The following GLRX3 variants were observed in gnomAD, a reference collection of about 807,000 sequenced individuals.
GLRX3 encodes glutaredoxin 3.
Under a neutral mutation model 49.5 loss-of-function variants are expected in GLRX3, and 22 were observed. The ratio of observed to expected loss-of-function variants is 0.44; its 90% CI spans 0.32 to 0.63. The LOEUF is 0.63. Among genes scored for constraint, GLRX3 ranks in the 30% least tolerant of loss-of-function variants. The pLI is 0.05. For synonymous variants in GLRX3, 133 were observed against 140.0 expected, an observed-to-expected ratio of 0.95 and a Z score of 0.35; for missense variants, 385 against 396.3, an observed-to-expected ratio of 0.97 and a Z score of 0.24.
intron 1 of GLRX3, among the ~76,000 whole-genome samples, chr10:130,141,369 A>G (rs1862171680): frequency 6.6e-6 from 1 of 152,226 alleles, no homozygotes; most frequent in Non-Finnish European, 1.5e-5. Flanking sequence ...AAGAAATTGA[A>G]GTATTACATA....
chr10:130,139,707 G>A (rs1862138398), intron 1 of GLRX3, among the ~76,000 whole-genome samples: 1 of 151,716 alleles, frequency 6.6e-6, no homozygotes, highest in Non-Finnish European at 1.5e-5. Flanking sequence ...CACTTTGGGA[G>A]GATGGCTTGA....
chr10:130,160,150 T>G, intron 3 of GLRX3, 81 bp downstream of exon 3: 2 of 815,850 alleles, frequency 2.5e-6, no homozygotes, highest in South Asian at 1.4e-5. Flanking sequence ...ACCCTCTCTC[T>G]AATCCCCGAA....
intron 2 of GLRX3, among the ~76,000 whole-genome samples, chr10:130,155,648 G>C (rs777165901): frequency 2.0e-5 from 3 of 152,158 alleles, no homozygotes; most frequent in Admixed American, 1.3e-4. Flanking sequence ...GTTTGATAGA[G>C]CTCTGAGTGC....
intron 4 of GLRX3, among the ~76,000 whole-genome samples, chr10:130,164,301 TAAAC>T (rs2134908847): frequency 6.6e-6 from 1 of 152,366 alleles, no homozygotes; most frequent in African/African-American, 2.4e-5. Context: ...TATGTCATCT[TAAAC>T]AGAATCTTAA....
At chr10:130,162,411 T>C (rs1403455640) in intron 4 of GLRX3, among the ~76,000 whole-genome samples, 2 of 152,236 alleles carry the variant, frequency 1.3e-5, no homozygotes, top group African/African-American at 4.8e-5. Context: ...CAACAGATAG[T>C]CTCTGTTGCG....
chr10:130,160,725 TAA>T, intron 3 of GLRX3, 69 bp from the exon 4 acceptor site: 1 of 900,536 alleles, frequency 1.1e-6, no homozygotes, highest in Non-Finnish European at 1.8e-6. Flanking sequence ...TTGTCCCCTT[TAA>T]AAATCTGCTA....
chr10:130,139,368 G>A (rs543874800), intron 1 of GLRX3, among the ~76,000 whole-genome samples: 6 of 149,616 alleles, frequency 4.0e-5, no homozygotes, highest in Non-Finnish European at 7.4e-5. Context: ...GGCCGGGCGC[G>A]GTGGCTCACG....
In GLRX3 at chr10:130,136,499, C is replaced by A. The variant is rs201349500; in HGVS notation, c.79C>A (p.Arg27Ser). ...GSAGQFEELL[R>S]LKAKSLLVVH... ...AGCCGGGCAGTTTGAGGAGCTGCTG[C>A]GCCTCAAAGCCAAGTAAGCGGGGCG... Residue 27 changes from arginine to serine, a missense_variant, in exon 1 of 11, where the codon CGC (arginine) becomes AGC (serine). Physicochemically the swap from Arg to Ser is moderately radical, Grantham distance 110. Around this residue, in one of 2 missense-constraint regions of GLRX3, gnomAD observed 374 missense variants for 358.6 expected, o/e 1.04. Transcript: ENST00000331244. The A allele has an allele frequency of 2.4e-6, 3 of 1,261,930 alleles. No homozygotes were observed. Among genetic ancestry groups the A allele is most frequent in the Non-Finnish European group, 3.0e-6 (3 of 996,378 alleles). 78.2% of individuals were successfully genotyped at this position (1,261,930 alleles called of 1,614,324 possible). A position where few individuals can be genotyped will look rare whatever the true frequency, so the allele number is the denominator to read the frequency against.
At chr10:130,161,438 T>C (rs780267224) in intron 4 of GLRX3, among the ~76,000 whole-genome samples, 55 of 152,182 alleles carry the variant, frequency 3.6e-4, no homozygotes, top group Admixed American at 9.8e-4. Context: ...ATTAAAAAAT[T>C]TGCGGAATTT....
chr10:130,168,485 C>T (rs796127451), intron 6 of GLRX3, among the ~76,000 whole-genome samples: 48 of 152,266 alleles, frequency 3.2e-4, no homozygotes, highest in African/African-American at 1.1e-3. Flanking sequence ...GGCTCTGTAG[C>T]CCAGGCTGGA....
intron 7 of GLRX3, among the ~76,000 whole-genome samples, chr10:130,171,162 A>C (rs1862800477): frequency 6.6e-6 from 1 of 151,992 alleles, no homozygotes; most frequent in Admixed American, 6.5e-5. Flanking sequence ...AATAAAAAGA[A>C]AAATGGGAGT....
intron 2 of GLRX3, among the ~76,000 whole-genome samples, chr10:130,157,151 A>T (rs1862485870): frequency 6.6e-6 from 1 of 152,124 alleles, no homozygotes; most frequent in Non-Finnish European, 1.5e-5. Flanking sequence ...TAGGAGGCTG[A>T]GAAGTCTCAC....
rs113443985 is a variant in GLRX3, at chr10:130,163,721, A to C, written c.478+2724A>C. Among the ~76,000 whole-genome samples, 626 of 152,354 alleles carry C rather than the reference A, an allele frequency of 4.1e-3. 4 individuals are homozygous for C. Among genetic ancestry groups the C allele is most frequent in the Non-Finnish European group, 6.7e-3 (456 of 68,032 alleles). Reference sequence around the variant, plus strand: ...ATTTTTAAACTGTTTTCTTATGGGAACATAAGTCACCTCGACCCTCTGCTG... The same window carrying C: ...ATTTTTAAACTGTTTTCTTATGGGACCATAAGTCACCTCGACCCTCTGCTG... On this transcript the variant is annotated intron_variant, in intron 4 of 10. Transcript: ENST00000331244.
chr10:130,159,903 T>G, intron 2 of GLRX3, 92 bp from the exon 3 acceptor site: 1 of 1,265,844 alleles, frequency 7.9e-7, no homozygotes, highest in Non-Finnish European at 1.1e-6. Context: ...TGCCAGCTAC[T>G]TGAAGGGATA....
At chr10:130,174,150 A>T (rs2134927053) in intron 8 of GLRX3, among the ~76,000 whole-genome samples, 1 of 152,366 alleles carries the variant, frequency 6.6e-6, no homozygotes, top group Non-Finnish European at 1.5e-5. Flanking sequence ...CAAAGCTTTC[A>T]TTGGCCTTTT....
intron 8 of GLRX3, among the ~76,000 whole-genome samples, chr10:130,174,490 C>T (rs1368893283): frequency 1.3e-5 from 2 of 152,232 alleles, no homozygotes; most frequent in African/African-American, 4.8e-5. Flanking sequence ...TAGCCACATC[C>T]CTTCATTTAT....
intron 4 of GLRX3, among the ~76,000 whole-genome samples, chr10:130,161,635 A>G (rs916051327): frequency 2.6e-5 from 4 of 152,154 alleles, no homozygotes; most frequent in African/African-American, 9.7e-5. Flanking sequence ...GTCCTTAAGT[A>G]AGTTTTAGAG....
At chr10:130,159,973 C>G in intron 2 of GLRX3, 22 bp from the exon 3 acceptor site, 1 of 1,474,540 alleles carries the variant, frequency 6.8e-7, no homozygotes, top group South Asian at 1.1e-5. Flanking sequence ...AATAATCAAG[C>G]TTGAATTCTT....
At chr10:130,167,092 C>A (rs1862706804) in intron 6 of GLRX3, 112 bp downstream of exon 6, 1 of 559,060 alleles carries the variant, frequency 1.8e-6, no homozygotes, top group Non-Finnish European at 3.1e-6. Flanking sequence ...ATTTGGTATG[C>A]CAGACGTCAT....
Sources: gnomAD v4.1 joint callset for allele counts (sites outside exome capture counted in the v4.1 genomes callset) on GRCh38, gnomAD v4.1.1 for gene constraint, gnomAD v4.1.1 regional missense constraint, MANE v1.5 for transcripts, NCBI Gene and HGNC (gene_info 2026-07-23, HGNC 2026-07-21) for gene names.